RGS7: variants seen among roughly 807,000 people sequenced by gnomAD.
RGS7 encodes the protein regulator of G protein signaling 7.
Under a neutral mutation model 81.1 loss-of-function variants are expected in RGS7, and 27 were observed. That is an observed-to-expected ratio of 0.33 (90% CI 0.25 to 0.46). The LOEUF (loss-of-function observed/expected upper bound fraction) is 0.46, where lower values mean the gene tolerates loss of function less well. RGS7 is among the 20% of genes least tolerant of loss of function. RGS7 has a pLI of 1.00. For synonymous variants in RGS7, 208 were observed against 207.7 expected (o/e 1.00, Z -0.01); for missense variants, 396 against 607.4 (o/e 0.65, Z 3.66).
intron 3 of RGS7, among the ~76,000 whole-genome samples, chr1:241,014,377 T>C (rs1219063146): frequency 6.6e-6 from 1 of 152,228 alleles, no homozygotes; most frequent in South Asian, 2.1e-4. Flanking sequence ...ATAGTATCTC[T>C]ATGTATTTAC....
intron 4 of RGS7, among the ~76,000 whole-genome samples, chr1:240,962,538 C>T (rs1034900158): frequency 6.6e-6 from 1 of 152,136 alleles, no homozygotes; most frequent in Non-Finnish European, 1.5e-5. Context: ...CCAGCTCTGT[C>T]TATAGGAAGT....
At chr1:241,064,700 A>AGTC (rs1242445555) in intron 3 of RGS7, among the ~76,000 whole-genome samples, 1 of 152,084 alleles carries the variant, frequency 6.6e-6, no homozygotes, top group Non-Finnish European at 1.5e-5. Flanking sequence ...GTTCCAGACC[A>AGTC]GTCGGGCAAC....
chr1:240,979,491 C>G (rs1451069563), intron 4 of RGS7, among the ~76,000 whole-genome samples: 1 of 152,122 alleles, frequency 6.6e-6, no homozygotes, highest in African/African-American at 2.4e-5. Flanking sequence ...GAAGACAACT[C>G]TGTAACTGAG....
chr1:241,083,276 A>AACAAG (rs2063251684), intron 3 of RGS7, among the ~76,000 whole-genome samples: 1 of 151,638 alleles, frequency 6.6e-6, no homozygotes, highest in Non-Finnish European at 1.5e-5. Context: ...AACAAAACAA[A>AACAAG]ACAAAACAAG....
intron 4 of RGS7, among the ~76,000 whole-genome samples, chr1:240,964,920 C>CTTGTT (rs1682039640): frequency 6.6e-6 from 1 of 152,166 alleles, no homozygotes. Context: ...CTTTCGGACA[C>CTTGTT]TTGTTCTGTT....
chr1:240,849,673 C>T (rs115730763), intron 9 of RGS7, among the ~76,000 whole-genome samples: 2,801 of 152,094 alleles, frequency 0.018, 94 homozygotes, highest in African/African-American at 0.065. Flanking sequence ...GTGTGTGGTG[C>T]CTCCCCTCCT....
chr1:240,858,481 T>C (rs1661562896), intron 9 of RGS7, among the ~76,000 whole-genome samples: 1 of 152,206 alleles, frequency 6.6e-6, no homozygotes, highest in African/African-American at 2.4e-5. Flanking sequence ...TTAGCCCTAA[T>C]GACGTGATGT....
At position 240,895,206 on chromosome 1, in the gene RGS7, C is replaced by T. The variant is rs149112879; in HGVS notation, c.386-25087G>A. 1.3e-3 allele frequency among the ~76,000 whole-genome samples: 191 copies of T among 152,278 alleles called. 1 individual carries two copies. Among genetic ancestry groups the T allele is most frequent in the African/African-American group, 3.8e-3 (158 of 41,558 alleles). On this transcript the variant is annotated intron_variant, in intron 6 of 18. Coordinates refer to ENST00000440928, the MANE Select transcript of RGS7 (RefSeq NM_001364886.1). ...ACCAGAAGCCAAGAAGATGCCAGCA[C>T]GATGCTTCCTGAACAGCCTGCAGAA... is the stretch of plus-strand genomic sequence containing the variant.
intron 6 of RGS7, among the ~76,000 whole-genome samples, chr1:240,886,377 G>T (rs1380024457): frequency 2.6e-5 from 4 of 152,324 alleles, no homozygotes; most frequent in Non-Finnish European, 2.9e-5. Context: ...TGTGCTCATT[G>T]AATCTGGACT....
intron 13 of RGS7, among the ~76,000 whole-genome samples, chr1:240,813,307 T>C (rs1017583258): frequency 4.6e-5 from 7 of 152,226 alleles, no homozygotes; most frequent in Non-Finnish European, 1.0e-4. Context: ...TGTGGCTACG[T>C]GAATTTTCCA....
intron 6 of RGS7, among the ~76,000 whole-genome samples, chr1:240,892,160 G>T (rs1396032179): frequency 6.6e-6 from 1 of 152,118 alleles, no homozygotes; most frequent in Non-Finnish European, 1.5e-5. Flanking sequence ...TATGCTAATG[G>T]TTCCCTTAGT....
intron 2 of RGS7, among the ~76,000 whole-genome samples, chr1:241,266,022 G>A (rs1311308118): frequency 6.6e-6 from 1 of 152,016 alleles, no homozygotes; most frequent in Admixed American, 6.5e-5. Flanking sequence ...TCGAACTCCC[G>A]ACCTCAGGTG....
intron 14 of RGS7, among the ~76,000 whole-genome samples, chr1:240,810,445 CTTTTTT>C (rs5782164): frequency 3.2e-5 from 4 of 124,618 alleles, no homozygotes; most frequent in Non-Finnish European, 3.3e-5. Context: ...TTAATGCATT[CTTTTTT>C]TTTTTTTTTT....
At chr1:241,145,445 C>T (rs1416948720) in intron 2 of RGS7, among the ~76,000 whole-genome samples, 1 of 152,170 alleles carries the variant, frequency 6.6e-6, no homozygotes, top group Non-Finnish European at 1.5e-5. Context: ...ATGAGATTTC[C>T]ACTTTAGGAT....
intron 2 of RGS7, among the ~76,000 whole-genome samples, chr1:241,205,376 G>A (rs1000714010): frequency 5.9e-5 from 9 of 151,530 alleles, no homozygotes; most frequent in East Asian, 1.9e-4. Flanking sequence ...CACTGTAACC[G>A]ACTGCATTTG....
chr1:241,019,825 C>T (rs2059451421), intron 3 of RGS7, among the ~76,000 whole-genome samples: 1 of 152,166 alleles, frequency 6.6e-6, no homozygotes, highest in Admixed American at 6.5e-5. Flanking sequence ...CATGCATGTG[C>T]ATGTGTCTAT....
At chr1:241,124,220 C>T (rs1382018805) in intron 2 of RGS7, among the ~76,000 whole-genome samples, 1 of 149,454 alleles carries the variant, frequency 6.7e-6, no homozygotes, top group African/African-American at 2.5e-5. Context: ...ATTAGTGAGA[C>T]CTCGTCTCTA....
intron 2 of RGS7, among the ~76,000 whole-genome samples, chr1:241,328,930 C>G (rs1017795930): frequency 2.0e-5 from 3 of 152,120 alleles, no homozygotes; most frequent in African/African-American, 7.2e-5. Context: ...TCTGCAATAC[C>G]TATGCACAAA....
chr1:241,242,426 T>C (rs2076309670), intron 2 of RGS7, among the ~76,000 whole-genome samples: 1 of 152,214 alleles, frequency 6.6e-6, no homozygotes, highest in Non-Finnish European at 1.5e-5. Context: ...TGAACTGTGC[T>C]GCTATAAACA....
Sources: gnomAD v4.1 joint callset for allele counts (sites outside exome capture counted in the v4.1 genomes callset) on GRCh38, gnomAD v4.1.1 for gene constraint, MANE v1.5 for transcripts, NCBI Gene and HGNC (gene_info 2026-07-23, HGNC 2026-07-21) for gene names.